Variants in MYO1D observed in about 807,000 individuals in gnomAD.
MYO1D encodes the protein myosin ID, also known as unconventional myosin-Id.
A neutral mutation model predicts 122.0 loss-of-function variants in MYO1D; 83 were observed. That is an observed-to-expected ratio of 0.68 (90% CI 0.57 to 0.82). The LOEUF is 0.82. Among genes scored for constraint, MYO1D ranks in the 40% least tolerant of loss-of-function variants. The pLI is 0.00. For synonymous variants in MYO1D, 464 were observed against 446.9 expected, an observed-to-expected ratio of 1.04 and a Z score of -0.48; for missense variants, 1,157 against 1,269.5, an observed-to-expected ratio of 0.91 and a Z score of 1.35.
At chr17:32,860,993 C>T (rs2091068362) in intron 1 of MYO1D, among the ~76,000 whole-genome samples, 1 of 152,122 alleles carries the variant, frequency 6.6e-6, no homozygotes, top group Non-Finnish European at 1.5e-5. Context: ...CAAAACACTG[C>T]CCTAGGGCTA....
intron 1 of MYO1D, among the ~76,000 whole-genome samples, chr17:32,817,801 C>T (rs548658077): frequency 6.6e-6 from 1 of 152,278 alleles, no homozygotes; most frequent in African/African-American, 2.4e-5. Flanking sequence ...AAAGAAATAT[C>T]TTACTTTCCA....
At chr17:32,805,565 G>C (rs1432618561) in intron 1 of MYO1D, among the ~76,000 whole-genome samples, 4 of 152,052 alleles carry the variant, frequency 2.6e-5, no homozygotes, top group African/African-American at 7.3e-5. Context: ...AAAACCGATG[G>C]AGAAGTGTGT....
At chr17:32,761,197 CAT>C (rs548221908) in intron 8 of MYO1D, among the ~76,000 whole-genome samples, 86 of 152,198 alleles carry the variant, frequency 5.7e-4, no homozygotes, top group Non-Finnish European at 1.1e-3. Flanking sequence ...TCCCGATACA[CAT>C]GTGCTCTGCA....
At chr17:32,617,182 A>C (rs998133121) in intron 20 of MYO1D, among the ~76,000 whole-genome samples, 3 of 152,104 alleles carry the variant, frequency 2.0e-5, no homozygotes, top group African/African-American at 7.2e-5. Flanking sequence ...GTCTCAAAAA[A>C]AGTTAATAAA....
intron 1 of MYO1D, among the ~76,000 whole-genome samples, chr17:32,849,738 C>T (rs886951900): frequency 3.9e-5 from 6 of 151,998 alleles, no homozygotes; most frequent in Non-Finnish European, 5.9e-5. Context: ...GGGTGCAGCA[C>T]GCCAGCATGG....
intron 19 of MYO1D, among the ~76,000 whole-genome samples, chr17:32,647,663 ACAAACTGACATT>A (rs2088314351): frequency 3.4e-5 from 5 of 148,906 alleles, no homozygotes; most frequent in Admixed American, 2.0e-4. Context: ...TGTTATATTT[ACAAACTGACATT>A]ATAGCTTATA....
At chr17:32,597,963 T>C (rs11870356) in intron 21 of MYO1D, among the ~76,000 whole-genome samples, 46,567 of 151,980 alleles carry the variant, frequency 0.31, 7,350 homozygotes, top group South Asian at 0.37. Flanking sequence ...TTGCCCTTTT[T>C]TCCTCTTATT....
At chr17:32,855,225 C>G (rs749956264) in intron 1 of MYO1D, among the ~76,000 whole-genome samples, 14 of 152,104 alleles carry the variant, frequency 9.2e-5, no homozygotes, top group Non-Finnish European at 1.9e-4. Flanking sequence ...GTATAACATT[C>G]ATACATAAGA....
At chr17:32,849,765 T>C (rs1028971193) in intron 1 of MYO1D, among the ~76,000 whole-genome samples, 22 of 152,134 alleles carry the variant, frequency 1.4e-4, no homozygotes, top group Non-Finnish European at 4.4e-5. Flanking sequence ...TATACATATG[T>C]AACTAACCTG....
At chr17:32,530,240 T>C (rs1910467133) in intron 21 of MYO1D, among the ~76,000 whole-genome samples, 1 of 152,252 alleles carries the variant, frequency 6.6e-6, no homozygotes, top group Admixed American at 6.5e-5. Flanking sequence ...TAAGCCTTTT[T>C]GTCCATCTAT....
intron 1 of MYO1D, among the ~76,000 whole-genome samples, chr17:32,866,220 A>C (rs979129244): frequency 6.6e-6 from 1 of 152,180 alleles, no homozygotes; most frequent in African/African-American, 2.4e-5. Context: ...TTAGGGCCAC[A>C]GTATTCACCA....
chr17:32,831,363 C>T (rs1285325451), intron 1 of MYO1D, among the ~76,000 whole-genome samples: 1 of 152,088 alleles, frequency 6.6e-6, no homozygotes, highest in Non-Finnish European at 1.5e-5. Context: ...TGAAAAGTAC[C>T]CATTACTAAT....
chr17:32,509,783 T>G (rs1275675192), intron 21 of MYO1D, among the ~76,000 whole-genome samples: 8 of 152,036 alleles, frequency 5.3e-5, no homozygotes, highest in Non-Finnish European at 8.8e-5. Flanking sequence ...GAGACGGGGT[T>G]TCACCATGTT....
chr17:32,712,474 C>A (rs1367191757), intron 15 of MYO1D, among the ~76,000 whole-genome samples: 2 of 152,058 alleles, frequency 1.3e-5, no homozygotes, highest in Non-Finnish European at 2.9e-5. Context: ...AAGGGGTAAC[C>A]TTAGAAACAT....
intron 1 of MYO1D, among the ~76,000 whole-genome samples, chr17:32,793,085 T>C (rs117407312): frequency 9.5e-4 from 144 of 152,202 alleles, no homozygotes; most frequent in Non-Finnish European, 8.1e-4. Context: ...GTTTTGACCT[T>C]TTGTTAACAC....
chr17:32,624,289 C>A (rs758797098), intron 20 of MYO1D, among the ~76,000 whole-genome samples: 1 of 145,572 alleles, frequency 6.9e-6, no homozygotes, highest in Non-Finnish European at 1.5e-5. Flanking sequence ...TGGGCTCAAG[C>A]GGTCCTCTCA....
intron 21 of MYO1D, among the ~76,000 whole-genome samples, chr17:32,541,949 C>T (rs1910849030): frequency 6.6e-6 from 1 of 152,146 alleles, no homozygotes; most frequent in Non-Finnish European, 1.5e-5. Context: ...CTAACTTCAC[C>T]CGGCTAATTC....
At chr17:32,515,060 A>G (rs966880118) in intron 21 of MYO1D, among the ~76,000 whole-genome samples, 8 of 152,360 alleles carry the variant, frequency 5.3e-5, no homozygotes, top group African/African-American at 1.9e-4. Context: ...GGCTAGTGCC[A>G]TGCCTGGCAT....
At chr17:32,619,401 A>G (rs929485121) in intron 20 of MYO1D, among the ~76,000 whole-genome samples, 18 of 152,290 alleles carry the variant, frequency 1.2e-4, no homozygotes, top group Non-Finnish European at 2.5e-4. Flanking sequence ...TACAAAGTTT[A>G]CCACACAAAC....
Sources: allele counts gnomAD v4.1 joint callset (sites outside exome capture counted in the v4.1 genomes callset), GRCh38; gene constraint gnomAD v4.1.1; transcripts MANE v1.5; gene names NCBI Gene and HGNC (gene_info 2026-07-23, HGNC 2026-07-21).